LAMC2: variants seen among roughly 807,000 people sequenced by gnomAD.
LAMC2 encodes laminin subunit gamma 2, also known as laminin subunit gamma-2.
Under a neutral mutation model 140.2 loss-of-function variants are expected in LAMC2, and 97 were observed. That is an observed-to-expected ratio of 0.69 (90% confidence interval 0.59 to 0.82). The LOEUF (loss-of-function observed/expected upper bound fraction) is 0.82, where lower values mean the gene tolerates loss of function less well. Ranked by LOEUF, LAMC2 falls within the 40% of genes least tolerant of loss-of-function variation. The probability of loss-of-function intolerance (pLI) is 0.00; values close to 1 mark genes in which losing one functional copy is unlikely to be tolerated. For synonymous variants in LAMC2, 513 were observed against 540.2 expected, an observed-to-expected ratio of 0.95 and a Z score of 0.70; for missense variants, 1,402 against 1,476.1, an observed-to-expected ratio of 0.95 and a Z score of 0.82.
At chr1:183,240,531 C>T (rs541422290) in intron 22 of LAMC2, 140 bp downstream of exon 22, 179 of 1,462,850 alleles carry the variant, frequency 1.2e-4, no homozygotes, top group Admixed American at 4.1e-4. Context: ...TTTCCAGGCC[C>T]AGATAACTTT....
chr1:183,215,394 C>T, intron 2 of LAMC2, 59 bp from the exon 3 acceptor site: 1 of 1,597,358 alleles, frequency 6.3e-7, no homozygotes, highest in Middle Eastern at 2.0e-4. Context: ...GCTTCCAATG[C>T]CGCATACATT....
chr1:183,254,217 G>T, the LAMC2 span, among the ~76,000 whole-genome samples: 1 of 152,074 alleles, frequency 6.6e-6, no homozygotes, highest in Non-Finnish European at 1.5e-5. Context: ...GTGTACAAGG[G>T]TTCCCTTTCT....
intron 7 of LAMC2, 108 bp downstream of exon 7, chr1:183,223,432 A>C (rs1659535117): frequency 2.8e-6 from 3 of 1,083,556 alleles, no homozygotes; most frequent in African/African-American, 3.1e-5. Flanking sequence ...AGCCTTTCTG[A>C]GCACCTTTTA....
intron 12 of LAMC2, 35 bp from the exon 13 acceptor site, chr1:183,232,152 C>A: frequency 1.9e-6 from 3 of 1,612,318 alleles, no homozygotes; most frequent in Non-Finnish European, 2.5e-6. Flanking sequence ...TACATGGTCT[C>A]CACCCTCGTT....
At chr1:183,198,134 TTC>T (rs202226684) in intron 1 of LAMC2, among the ~76,000 whole-genome samples, 42 of 123,802 alleles carry the variant, frequency 3.4e-4, no homozygotes, top group African/African-American at 1.2e-3. Context: ...CTTTTTTTTT[TTC>T]TTTCTTTTTT....
At chr1:183,194,473 T>C (rs1419964737) in intron 1 of LAMC2, among the ~76,000 whole-genome samples, 1 of 152,174 alleles carries the variant, frequency 6.6e-6, no homozygotes, top group East Asian at 1.9e-4. Flanking sequence ...AAAAAAGTAT[T>C]GTTCACAAAA....
rs1659834351 is a variant in LAMC2 at position 183,232,640 on chromosome 1, CTTTGCGT to C, written c.2015-10_2015-4del. The stretch of plus-strand genomic sequence containing the variant: ...GAAAGTGCTCATGCTCCCTTTCCTT[CTTTGCGT>C]TCAGGTGCTAGCAGATCCCTTGGTC... On this transcript the variant is annotated splice_polypyrimidine_tract_variant and splice_region_variant and intron_variant, in intron 13 of 22. Coordinates refer to ENST00000264144, the MANE Select transcript of LAMC2 (RefSeq NM_005562.3). 6.2e-7 allele frequency: 1 copy of C among 1,610,858 alleles called. No homozygotes were observed. Among genetic ancestry groups the C allele is most frequent in the South Asian group, 1.1e-5 (1 of 90,980 alleles).
intron 2 of LAMC2, 21 bp from the exon 3 acceptor site, chr1:183,215,432 C>T (rs775392225): frequency 6.2e-7 from 1 of 1,613,832 alleles, no homozygotes; most frequent in South Asian, 1.1e-5. Context: ...TCTTTCCTTT[C>T]CCCTACCTTG....
chr1:183,228,048 G>A lies in LAMC2; in HGVS notation c.1469-326G>A, dbSNP rs1052380318. On this transcript the variant is annotated intron_variant, in intron 10 of 22. Transcript: ENST00000264144. This position sits in a 1 kb window ranked among gnomAD's most constrained non-coding sequence, Gnocchi z 4.3. ...TCTTAAATGTCACATCCTTCTGCTGGTCAATCTGAAAGAAGAATGGATTCT... is the reference window on the plus strand; with the variant it reads ...TCTTAAATGTCACATCCTTCTGCTGATCAATCTGAAAGAAGAATGGATTCT... Among the ~76,000 whole-genome samples the A allele has an allele frequency of 6.6e-6, 1 of 152,214 alleles. No individual in the cohort carries two copies. The highest frequency in any genetic ancestry group is 1.5e-5 in the Non-Finnish European group (1 of 68,036).
chr1:183,232,677 G>C lies in LAMC2; in HGVS notation c.2040G>C (p.Gln680His). The C allele has an allele frequency of 6.2e-7, 1 of 1,613,270 alleles. No individual in the cohort carries two copies. Among genetic ancestry groups the C allele is most frequent in the Non-Finnish European group, 8.5e-7 (1 of 1,179,910 alleles). ...GTGCTAGCAGATCCCTTGGTCTCCAGTTGGCCAAGGTGAGGAGCCAAGAGA... is the reference window on the plus strand; with the variant it reads ...GTGCTAGCAGATCCCTTGGTCTCCACTTGGCCAAGGTGAGGAGCCAAGAGA... ...SEGASRSLGL[Q>H]LAKVRSQENS... The change falls in exon 14 of 23, where the codon CAG becomes CAC. Residue 680 changes from glutamine to histidine, a missense_variant. Around this residue, in one of 3 missense-constraint regions of LAMC2, gnomAD observed 670 missense variants for 667.2 expected, o/e 1.00. Transcript: ENST00000264144.
intron 4 of LAMC2, among the ~76,000 whole-genome samples, chr1:183,220,437 C>G (rs2102218994): frequency 6.6e-6 from 1 of 152,122 alleles, no homozygotes. Context: ...TCCCCACCTC[C>G]CAGTCTTTGT....
At chr1:183,236,373 A>G in intron 16 of LAMC2, 87 bp from the exon 17 acceptor site, 1 of 1,272,680 alleles carries the variant, frequency 7.9e-7, no homozygotes. Context: ...TGGACAACAG[A>G]GTGAAACCCT....
chr1:183,223,387 C>A, intron 7 of LAMC2, 63 bp downstream of exon 7: 1 of 1,462,058 alleles, frequency 6.8e-7, no homozygotes, highest in Non-Finnish European at 9.6e-7. Context: ...CAAGTTTGTT[C>A]TTTATTCATT....
At chr1:183,208,237 G>A (rs1208563902) in intron 2 of LAMC2, among the ~76,000 whole-genome samples, 168 bp downstream of exon 2, 1 of 152,186 alleles carries the variant, frequency 6.6e-6, no homozygotes, top group Non-Finnish European at 1.5e-5. Context: ...CAACAACTGG[G>A]AACCTACCAG....
intron 7 of LAMC2, 31 bp from the exon 8 acceptor site, chr1:183,225,577 T>A: frequency 6.8e-7 from 1 of 1,463,872 alleles, no homozygotes; most frequent in African/African-American, 1.4e-5. Flanking sequence ...AAGAATCGGA[T>A]TTTTAAAGCT....
downstream of LAMC2, chr1:183,248,519 C>T (rs1014145509): frequency 6.6e-6 from 1 of 152,464 alleles, no homozygotes; most frequent in Non-Finnish European, 1.5e-5. Context: ...TGGGACTAGA[C>T]TAAGGTTGAG....
chr1:183,227,716 T>C lies in LAMC2; in HGVS notation c.1468+19T>C. Reference sequence around the variant, plus strand: ...GTCACCGGTAAGGCCATGGGTCTGCTCTGCCACCTGCCTCTTCCTGTCCTG... The same window carrying C: ...GTCACCGGTAAGGCCATGGGTCTGCCCTGCCACCTGCCTCTTCCTGTCCTG... On this transcript the variant is annotated intron_variant, in intron 10 of 22. Transcript: ENST00000264144. 3.7e-6 allele frequency: 6 copies of C among 1,611,594 alleles called. No individual in the cohort carries two copies. The highest frequency in any genetic ancestry group is 5.1e-6 in the Non-Finnish European group (6 of 1,177,828).
downstream of LAMC2, among the ~76,000 whole-genome samples, chr1:183,247,569 C>T (rs553345791): frequency 6.7e-6 from 1 of 149,694 alleles, no homozygotes; most frequent in Non-Finnish European, 1.5e-5. Context: ...ATACGAAGAA[C>T]CCCAAGAACC....
intron 8 of LAMC2, among the ~76,000 whole-genome samples, chr1:183,225,989 G>A (rs1172474079): frequency 6.6e-6 from 1 of 152,194 alleles, no homozygotes; most frequent in Non-Finnish European, 1.5e-5. Context: ...AGATGATTAA[G>A]TGAGAAAGAT....
Sources: allele counts gnomAD v4.1 joint callset (sites outside exome capture counted in the v4.1 genomes callset), GRCh38; gene constraint gnomAD v4.1.1; regional missense constraint gnomAD v4.1.1; non-coding constraint Gnocchi (gnomAD v3.1); transcripts MANE v1.5; gene names NCBI Gene and HGNC (gene_info 2026-07-23, HGNC 2026-07-21).